The following NFASC variants were observed in gnomAD, a reference collection of about 807,000 sequenced individuals.
NFASC encodes the protein neurofascin, also known as neurofascin homolog.
Under a neutral mutation model 147.5 loss-of-function variants are expected in NFASC, and 43 were observed. That is an observed-to-expected ratio of 0.29 (90% CI 0.23 to 0.38). NFASC has a LOEUF of 0.38. Among genes scored for constraint, NFASC ranks in the 10% least tolerant of loss-of-function variants. The probability of loss-of-function intolerance (pLI) is 1.00; values close to 1 mark genes in which losing one functional copy is unlikely to be tolerated. For missense variants in NFASC, 1,320 were observed against 1,689.0 expected (o/e 0.78, Z 3.83); for synonymous variants, 622 against 665.5 (o/e 0.93, Z 1.01).
Position 204,970,665 on chromosome 1 carries a change from C to A in NFASC, c.1053C>A (p.Gly351=). Residue 351 remains glycine, a synonymous_variant, in exon 11 of 30, where the codon GGC becomes GGA. Coordinates refer to ENST00000339876, the MANE Select transcript of NFASC (RefSeq NM_001005388.3). ...CCAAGAACCTTATTCTGGCTCCTGG[C>A]GAGGATGGGAGACTGGTGTGTCGAG... The part of the protein sequence containing the change: ...DEPKNLILAP[G]EDGRLVCRAN... 6.2e-7 allele frequency: 1 copy of A among 1,614,122 alleles called. No individual in the cohort carries two copies. The highest frequency in any genetic ancestry group is 1.1e-5 in the South Asian group (1 of 91,076).
intron 1 of NFASC, among the ~76,000 whole-genome samples, chr1:204,880,387 G>T (rs191953874): frequency 6.6e-6 from 1 of 151,820 alleles, no homozygotes. Flanking sequence ...ACAGAGTCTC[G>T]CTCTGTTGCC....
intron 1 of NFASC, among the ~76,000 whole-genome samples, chr1:204,879,419 A>G (rs182393568): frequency 6.6e-6 from 1 of 152,326 alleles, no homozygotes; most frequent in African/African-American, 2.4e-5. Context: ...GGGGGCGCTC[A>G]CTGAACCCAC....
chr1:204,865,883 C>T (rs1196762094), intron 1 of NFASC, among the ~76,000 whole-genome samples: 1 of 152,186 alleles, frequency 6.6e-6, no homozygotes, highest in Non-Finnish European at 1.5e-5. Flanking sequence ...AGCCTTAGTA[C>T]ACACCGGCAG....
At chr1:204,973,137 A>G in intron 11 of NFASC, 139 bp from the exon 12 acceptor site, 1 of 842,024 alleles carries the variant, frequency 1.2e-6, no homozygotes, top group Non-Finnish European at 1.9e-6. Context: ...TGGCAAGGCC[A>G]GAAGCCCTGT....
chr1:204,954,881 C>T lies in NFASC; in HGVS notation c.465C>T (p.Gly155=), dbSNP rs148289271. 9.9e-6 allele frequency: 16 copies of T among 1,614,014 alleles called. No homozygotes were observed. The Admixed American group carries it at 1.0e-4, about 10-fold the overall frequency. Residue 155 remains glycine (G), a synonymous_variant, in exon 7 of 30, where the codon GGC becomes GGT. Transcript: ENST00000339876. This position sits in a 1 kb window ranked among gnomAD's most constrained non-coding sequence, Gnocchi z 5.7. ...ENLDPVVVQE[G]APLTLQCNPP... ...TAGACCCTGTCGTGGTCCAAGAGGG[C>T]GCTCCTTTGACGCTCCAGTGCAACC...
At chr1:204,914,605 T>A (rs2088670093) in intron 1 of NFASC, among the ~76,000 whole-genome samples, 1 of 152,202 alleles carries the variant, frequency 6.6e-6, no homozygotes, top group Admixed American at 6.5e-5. Context: ...ACGAAAATAC[T>A]CAATCTTACT....
intron 21 of NFASC, among the ~76,000 whole-genome samples, chr1:204,982,702 A>T (rs113689574): frequency 1.2e-3 from 190 of 152,352 alleles, no homozygotes; most frequent in African/African-American, 4.2e-3. Flanking sequence ...TCCCCAGCAC[A>T]TCAATCCTGT....
intron 1 of NFASC, among the ~76,000 whole-genome samples, chr1:204,902,522 G>A (rs757508125): frequency 1.3e-5 from 2 of 152,126 alleles, no homozygotes; most frequent in Non-Finnish European, 2.9e-5. Context: ...TTTTGTAACA[G>A]AGTCATTGTC....
chr1:204,856,633 C>T (rs967486792), intron 1 of NFASC, among the ~76,000 whole-genome samples: 13 of 152,106 alleles, frequency 8.5e-5, no homozygotes, highest in African/African-American at 3.1e-4. Context: ...TTTTCTTCAT[C>T]CCAGAAGATC....
Position 204,957,689 on chromosome 1 carries a change from C to A in NFASC, c.569C>A (p.Ser190Tyr). The A allele has an allele frequency of 6.2e-7, 1 of 1,614,178 alleles. No homozygotes were observed. The highest frequency in any genetic ancestry group is 8.5e-7 in the Non-Finnish European group (1 of 1,180,030). Residue 190 changes from serine (S) to tyrosine (Y), a missense_variant, in exon 8 of 30, where the codon TCT becomes TAT. Transcript: ENST00000339876. ...MEPITQDKRV[S>Y]QGHNGDLYFS... ...CCCATCACCCAAGACAAACGTGTCT[C>A]TCAGGGCCATAACGGAGACCTATAC...
intron 5 of NFASC, among the ~76,000 whole-genome samples, chr1:204,952,710 C>G (rs1339288811): frequency 6.6e-6 from 1 of 152,206 alleles, no homozygotes. Context: ...TCATGCATTT[C>G]TACCAAATGA....
At chr1:204,838,325 T>C (rs889471534) in intron 1 of NFASC, among the ~76,000 whole-genome samples, 7 of 152,198 alleles carry the variant, frequency 4.6e-5, no homozygotes, top group African/African-American at 1.7e-4. Context: ...CACTTACCTC[T>C]CCTTATTGAT....
chr1:204,854,262 C>T (rs1227156047), intron 1 of NFASC, among the ~76,000 whole-genome samples: 2 of 152,160 alleles, frequency 1.3e-5, no homozygotes, highest in African/African-American at 2.4e-5. Flanking sequence ...ATCTCTGTCA[C>T]GTCAGGCCCC....
intron 1 of NFASC, among the ~76,000 whole-genome samples, chr1:204,858,875 G>A (rs1225811275): frequency 1.3e-5 from 2 of 152,020 alleles, no homozygotes; most frequent in African/African-American, 2.4e-5. Context: ...ATTCCCCACC[G>A]CCAGGCATCT....
intron 1 of NFASC, among the ~76,000 whole-genome samples, chr1:204,895,778 A>G (rs2083273498): frequency 6.6e-6 from 1 of 152,182 alleles, no homozygotes; most frequent in African/African-American, 2.4e-5. Flanking sequence ...ACCAGTACTC[A>G]CAAATATCCT....
intron 23 of NFASC, 153 bp downstream of exon 23, chr1:204,988,959 G>T: frequency 7.2e-6 from 5 of 690,654 alleles, no homozygotes; most frequent in Non-Finnish European, 1.3e-5. Flanking sequence ...CATCTTATGT[G>T]TGAGAGGTAG....
intron 1 of NFASC, among the ~76,000 whole-genome samples, chr1:204,851,503 T>C (rs1222725627): frequency 6.6e-6 from 1 of 151,954 alleles, no homozygotes; most frequent in African/African-American, 2.4e-5. Flanking sequence ...TGGCCAATTT[T>C]TGTGTTTTTA....
chr1:204,981,375 C>A (rs1302269294), intron 20 of NFASC, among the ~76,000 whole-genome samples: 12 of 152,280 alleles, frequency 7.9e-5, no homozygotes, highest in Admixed American at 7.8e-4. Context: ...AAAGTCCATT[C>A]TGGAATTTTG....
chr1:204,847,076 C>T (rs1434021893), intron 1 of NFASC, among the ~76,000 whole-genome samples: 1 of 151,974 alleles, frequency 6.6e-6, no homozygotes, highest in Non-Finnish European at 1.5e-5. Flanking sequence ...GTTGAGAGAA[C>T]TCAGATGTGT....
Sources: gnomAD v4.1 joint callset for allele counts (sites outside exome capture counted in the v4.1 genomes callset) on GRCh38, gnomAD v4.1.1 for gene constraint, Gnocchi (gnomAD v3.1) non-coding constraint, MANE v1.5 for transcripts, NCBI Gene and HGNC (gene_info 2026-07-23, HGNC 2026-07-21) for gene names.